Variants in AGXT2 observed in about 807,000 individuals in gnomAD.
The protein encoded by AGXT2 is alanine--glyoxylate aminotransferase 2, mitochondrial.
AGXT2 carries 61 observed loss-of-function variants against 62.5 expected under a neutral mutation model. The observed-to-expected ratio is 0.98, with a 90% confidence interval of 0.79 to 1.21. The LOEUF (loss-of-function observed/expected upper bound fraction) is 1.21. AGXT2 is among the 50% of genes most tolerant of loss of function. The pLI is 0.00. For synonymous variants in AGXT2, 243 were observed against 218.7 expected (o/e 1.11, Z -0.98); for missense variants, 666 against 641.5 (o/e 1.04, Z -0.41).
At chr5:35,031,601 A>G (rs1767559049) in intron 7 of AGXT2, among the ~76,000 whole-genome samples, 1 of 152,226 alleles carries the variant, frequency 6.6e-6, no homozygotes, top group Non-Finnish European at 1.5e-5. Context: ...CAAGGAACAG[A>G]TGATGTTTCC....
chr5:35,018,076 A>G (rs371766812), intron 9 of AGXT2, among the ~76,000 whole-genome samples: 1 of 152,238 alleles, frequency 6.6e-6, no homozygotes, highest in South Asian at 2.1e-4. Flanking sequence ...GACTATGTGA[A>G]AAGACCAAAT....
chr5:35,028,777 G>A (rs977185652), intron 7 of AGXT2, among the ~76,000 whole-genome samples: 2 of 152,176 alleles, frequency 1.3e-5, no homozygotes, highest in East Asian at 1.9e-4. Context: ...AAGGAGTGCA[G>A]AGAAAGATGT....
chr5:35,036,230 A>G (rs1386103283), intron 4 of AGXT2, among the ~76,000 whole-genome samples: 3 of 152,314 alleles, frequency 2.0e-5, no homozygotes, highest in African/African-American at 7.2e-5. Context: ...TTCTGTGAAC[A>G]TCTGGGGCTG....
At chr5:35,036,893 C>A in intron 4 of AGXT2, 49 bp downstream of exon 4, 1 of 1,602,490 alleles carries the variant, frequency 6.2e-7, no homozygotes, top group Non-Finnish European at 8.5e-7. Context: ...AGCATCATAC[C>A]TTTTTTTTTC....
chr5:35,001,351 C>T (rs376044979), intron 13 of AGXT2, among the ~76,000 whole-genome samples: 6 of 151,840 alleles, frequency 4.0e-5, no homozygotes, highest in Non-Finnish European at 7.4e-5. Flanking sequence ...CTCAGAATAT[C>T]TCCTCTATCT....
At position 35,029,780 on chromosome 5, in the gene AGXT2, G is replaced by A. The variant is rs556297240; in HGVS notation, c.769+2952C>T. 8.5e-5 allele frequency among the ~76,000 whole-genome samples: 13 copies of A among 152,290 alleles called. No individual in the cohort carries two copies. The East Asian group carries it at 1.5e-3, about 18-fold the overall frequency. On this transcript the variant is annotated intron_variant, in intron 7 of 13. Coordinates refer to ENST00000231420, the MANE Select transcript of AGXT2 (RefSeq NM_031900.4). Reference sequence around the variant, plus strand: ...CAGTAGGTGATGAGGAGTGAATCTCGTCATGGATTACACTTGAAACTCAGG... The same window carrying A: ...CAGTAGGTGATGAGGAGTGAATCTCATCATGGATTACACTTGAAACTCAGG...
chr5:35,033,684 G>A (rs745864573), intron 5 of AGXT2, 131 bp from the exon 6 acceptor site: 4 of 719,166 alleles, frequency 5.6e-6, no homozygotes, highest in African/African-American at 1.8e-5. Flanking sequence ...TTCTAAGAAC[G>A]CATCTAAGCT....
intron 11 of AGXT2, among the ~76,000 whole-genome samples, chr5:35,010,483 G>T (rs962071566): frequency 6.6e-6 from 1 of 151,988 alleles, no homozygotes. Flanking sequence ...TTCGGGACCA[G>T]CCTGGCCAAT....
intron 13 of AGXT2, among the ~76,000 whole-genome samples, chr5:34,999,032 C>T (rs916244789): frequency 1.3e-5 from 2 of 152,142 alleles, no homozygotes; most frequent in African/African-American, 4.8e-5. Flanking sequence ...TTTGGCTCTG[C>T]CCCTTTTCCT....
intron 1 of AGXT2, among the ~76,000 whole-genome samples, chr5:35,044,245 G>T (rs1768099949): frequency 6.6e-6 from 1 of 152,168 alleles, no homozygotes; most frequent in African/African-American, 2.4e-5. Flanking sequence ...TTGGGGTTTG[G>T]ACGCCTGAGG....
At chr5:35,030,142 G>A (rs1002793498) in intron 7 of AGXT2, among the ~76,000 whole-genome samples, 1 of 152,300 alleles carries the variant, frequency 6.6e-6, no homozygotes, top group African/African-American at 2.4e-5. Context: ...GAAGGAGACT[G>A]GGGTCTTTCT....
intron 7 of AGXT2, among the ~76,000 whole-genome samples, chr5:35,030,659 G>C (rs1454985945): frequency 6.6e-6 from 1 of 152,178 alleles, no homozygotes; most frequent in African/African-American, 2.4e-5. Context: ...TTGTCAAATT[G>C]GCTTAAGTAG....
At chr5:35,038,729 C>T (rs1197184474) in intron 3 of AGXT2, among the ~76,000 whole-genome samples, 2 of 152,178 alleles carry the variant, frequency 1.3e-5, no homozygotes, top group Non-Finnish European at 2.9e-5. Flanking sequence ...AGAGAACAGA[C>T]ATGAAATGAG....
At chr5:35,021,120 A>T (rs1054585934) in intron 9 of AGXT2, among the ~76,000 whole-genome samples, 1 of 152,242 alleles carries the variant, frequency 6.6e-6, no homozygotes, top group Admixed American at 6.5e-5. Context: ...GGCAGGAAGA[A>T]TCAATATCGT....
At position 35,035,243 on chromosome 5, in the gene AGXT2, T is replaced by C; in HGVS notation, c.560A>G (p.Asn187Ser). The stretch of plus-strand genomic sequence containing the variant: ...TTACCTGAAAGAAATGATGTCTATG[T>C]TGTTTGAGTGCGCCCTGGCCATCAG... The part of the protein sequence containing the change: ...AMLMARAHSN[N>S]IDIISFRGAY... The change falls in exon 5 of 14, where the codon AAC (asparagine) becomes AGC (serine). Residue 187 changes from asparagine to serine, a missense_variant. Transcript: ENST00000231420. The C allele has an allele frequency of 6.2e-7, 1 of 1,614,158 alleles. No homozygotes were observed. Among genetic ancestry groups the C allele is most frequent in the East Asian group, 2.2e-5 (1 of 44,876 alleles).
chr5:35,008,483 A>G (rs1766512407), intron 12 of AGXT2, among the ~76,000 whole-genome samples: 1 of 152,228 alleles, frequency 6.6e-6, no homozygotes. Context: ...GGTGGAGATT[A>G]GGATGAACTC....
At chr5:35,017,908 G>A (rs544241268) in intron 9 of AGXT2, among the ~76,000 whole-genome samples, 1 of 152,182 alleles carries the variant, frequency 6.6e-6, no homozygotes. Flanking sequence ...ACCAAGGCTC[G>A]AGAACTACGT....
intron 12 of AGXT2, among the ~76,000 whole-genome samples, chr5:35,004,989 C>G (rs1352117534): frequency 6.6e-6 from 1 of 152,190 alleles, no homozygotes; most frequent in Non-Finnish European, 1.5e-5. Flanking sequence ...CATATTCAAA[C>G]TTTCAGACTA....
intron 11 of AGXT2, among the ~76,000 whole-genome samples, chr5:35,011,277 T>A (rs1349681690): frequency 6.6e-6 from 1 of 151,996 alleles, no homozygotes; most frequent in Non-Finnish European, 1.5e-5. Flanking sequence ...TTGGCCAACA[T>A]GGTGAAACCC....
Sources: gnomAD v4.1 joint callset for allele counts (sites outside exome capture counted in the v4.1 genomes callset) on GRCh38, gnomAD v4.1.1 for gene constraint, MANE v1.5 for transcripts, NCBI Gene and HGNC (gene_info 2026-07-23, HGNC 2026-07-21) for gene names.